FRMD3: variants seen among roughly 807,000 people sequenced by gnomAD.
The protein encoded by FRMD3 is FERM domain-containing protein 3.
Under a neutral mutation model 70.2 loss-of-function variants are expected in FRMD3, and 33 were observed. That is an observed-to-expected ratio of 0.47 (90% CI 0.36 to 0.63). The LOEUF (loss-of-function observed/expected upper bound fraction) is 0.63, where lower values mean the gene tolerates loss of function less well. Among genes scored for constraint, FRMD3 ranks in the 20% least tolerant of loss-of-function variants. FRMD3 has a pLI of 0.00. For synonymous variants in FRMD3, 279 were observed against 255.9 expected, an observed-to-expected ratio of 1.09 and a Z score of -0.86; for missense variants, 632 against 711.4, an observed-to-expected ratio of 0.89 and a Z score of 1.27.
intron 1 of FRMD3, among the ~76,000 whole-genome samples, chr9:83,446,385 C>G (rs535386398): frequency 6.6e-6 from 1 of 152,140 alleles, no homozygotes; most frequent in South Asian, 2.1e-4. Flanking sequence ...CGGTGGCTCA[C>G]GCATGTAATC....
At chr9:83,349,157 G>A (rs1389441677) in intron 4 of FRMD3, among the ~76,000 whole-genome samples, 1 of 152,182 alleles carries the variant, frequency 6.6e-6, no homozygotes, top group Non-Finnish European at 1.5e-5. Flanking sequence ...AGCCCCAACA[G>A]AGGGAGGTGA....
At chr9:83,284,822 G>A (rs1258104740) in intron 13 of FRMD3, among the ~76,000 whole-genome samples, 4 of 152,178 alleles carry the variant, frequency 2.6e-5, no homozygotes, top group East Asian at 1.9e-4. Flanking sequence ...AGACAGGCAG[G>A]GAGGAAGACC....
At chr9:83,549,984 T>C in the FRMD3 span, among the ~76,000 whole-genome samples, 1 of 152,220 alleles carries the variant, frequency 6.6e-6, no homozygotes, top group Non-Finnish European at 1.5e-5. Context: ...TTTACTTTTG[T>C]TGCAATTGCT....
the FRMD3 span, among the ~76,000 whole-genome samples, chr9:83,547,532 A>C: frequency 6.6e-6 from 1 of 152,042 alleles, no homozygotes; most frequent in Non-Finnish European, 1.5e-5. Flanking sequence ...TCTCAGATTC[A>C]TAAAAACAAA....
intron 1 of FRMD3, among the ~76,000 whole-genome samples, chr9:83,439,599 C>T (rs998836040): frequency 6.6e-6 from 1 of 152,344 alleles, no homozygotes; most frequent in African/African-American, 2.4e-5. Flanking sequence ...AAAGACGAAA[C>T]CCCATTTTAG....
At chr9:83,448,673 C>T (rs1332710620) in intron 1 of FRMD3, among the ~76,000 whole-genome samples, 5 of 151,550 alleles carry the variant, frequency 3.3e-5, no homozygotes, top group Admixed American at 1.3e-4. Context: ...GACCACAGAG[C>T]GGGAAAAAAA....
At chr9:83,579,243 T>C in the FRMD3 span, among the ~76,000 whole-genome samples, 1 of 151,698 alleles carries the variant, frequency 6.6e-6, no homozygotes, top group Non-Finnish European at 1.5e-5. Flanking sequence ...TACCCAAAAT[T>C]GTCTATAGAT....
At chr9:83,482,081 ATCT>A (rs1280166047) in intron 1 of FRMD3, among the ~76,000 whole-genome samples, 4 of 152,224 alleles carry the variant, frequency 2.6e-5, no homozygotes, top group Non-Finnish European at 5.9e-5. Context: ...TTGCCAGGAA[ATCT>A]TCTTTTATGG....
chr9:83,309,380 C>G (rs1353399030), intron 10 of FRMD3, among the ~76,000 whole-genome samples, 156 bp downstream of exon 10: 2 of 151,942 alleles, frequency 1.3e-5, no homozygotes, highest in Non-Finnish European at 2.9e-5. Context: ...CCAACAATCA[C>G]CGGGAGTCAC....
rs190962049 is a variant in FRMD3, at chr9:83,283,157, C to T, written c.1195+7446G>A. The stretch of plus-strand genomic sequence containing the variant: ...AGGAATCTGCAGAGCATGCTCAGGC[C>T]TTTATGTTCTCAAGCTGTTCTTGGC... On this transcript the variant is annotated intron_variant, in intron 13 of 13. Transcript: ENST00000304195. Among the ~76,000 whole-genome samples the T allele has an allele frequency of 2.5e-3, 379 of 152,250 alleles. 2 individuals are homozygous for T. Among genetic ancestry groups the T allele is most frequent in the African/African-American group, 8.9e-3 (370 of 41,544 alleles).
chr9:83,408,658 C>A (rs1158042660), intron 1 of FRMD3, among the ~76,000 whole-genome samples: 1 of 152,246 alleles, frequency 6.6e-6, no homozygotes, highest in African/African-American at 2.4e-5. Flanking sequence ...GGTTTGGGAA[C>A]TGACCTTGGT....
intron 6 of FRMD3, among the ~76,000 whole-genome samples, chr9:83,325,800 T>C (rs900702699): frequency 1.1e-4 from 17 of 152,202 alleles, no homozygotes; most frequent in African/African-American, 4.1e-4. Context: ...CCGCCTGATT[T>C]TGTACAGCCC....
the FRMD3 span, among the ~76,000 whole-genome samples, chr9:83,551,581 T>A: frequency 2.0e-5 from 3 of 152,200 alleles, no homozygotes; most frequent in Non-Finnish European, 4.4e-5. Context: ...TCTAGTAGAA[T>A]TCAGCTGTGA....
rs745538615 is a variant in FRMD3, at chr9:83,309,551, T to C, written c.911A>G (p.Asn304Ser). 17 of 1,589,748 alleles carry C rather than the reference T, an allele frequency of 1.1e-5. No homozygotes were observed. Among genetic ancestry groups the C allele is most frequent in the Admixed American group, 1.7e-5 (1 of 58,246 alleles). The change falls in exon 10 of 14, where the codon AAC becomes AGC. Residue 304 changes from asparagine (N) to serine (S), a missense_variant. By Grantham distance (46) the Asn-to-Ser change is conservative. Coordinates refer to ENST00000304195, the MANE Select transcript of FRMD3 (RefSeq NM_174938.6). ...CKHLWKCGVENQAFYKYAKSS... is the reference protein window; with the variant it reads ...CKHLWKCGVESQAFYKYAKSS... ...AGCCACTTACTTATAAAAGGCCTGG[T>C]TTTCCACTCCACACTTCCAAAGATG...
At chr9:83,569,448 G>A in the FRMD3 span, among the ~76,000 whole-genome samples, 1 of 152,240 alleles carries the variant, frequency 6.6e-6, no homozygotes, top group Non-Finnish European at 1.5e-5. Flanking sequence ...AGGAGCTGAG[G>A]CTGAGAGCAT....
At chr9:83,326,796 C>T (rs1836036560) in intron 6 of FRMD3, among the ~76,000 whole-genome samples, 1 of 152,116 alleles carries the variant, frequency 6.6e-6, no homozygotes. Flanking sequence ...AAGGTAAAGA[C>T]CAGTGATTAG....
chr9:83,357,250 T>G (rs1340165214), intron 3 of FRMD3, among the ~76,000 whole-genome samples: 8 of 8,576 alleles, frequency 9.3e-4, no homozygotes, highest in African/African-American at 6.5e-3. Flanking sequence ...TACATACATA[T>G]ATATATATAT....
At chr9:83,548,899 A>G in the FRMD3 span, among the ~76,000 whole-genome samples, 1 of 152,112 alleles carries the variant, frequency 6.6e-6, no homozygotes, top group Admixed American at 6.5e-5. Context: ...AAAATAGTCT[A>G]TTGTCTGGTC....
chr9:83,494,971 T>A (rs1010201314), intron 1 of FRMD3, among the ~76,000 whole-genome samples: 3 of 152,214 alleles, frequency 2.0e-5, no homozygotes, highest in Non-Finnish European at 4.4e-5. Context: ...ATTTCCAATG[T>A]CATCAATTTT....
Sources: allele counts gnomAD v4.1 joint callset (sites outside exome capture counted in the v4.1 genomes callset), GRCh38; gene constraint gnomAD v4.1.1; transcripts MANE v1.5; gene names NCBI Gene and HGNC (gene_info 2026-07-23, HGNC 2026-07-21).